Variants in NMNAT3 observed in about 807,000 individuals in gnomAD.
NMNAT3 encodes nicotinamide/nicotinic acid mononucleotide adenylyltransferase 3.
NMNAT3 carries 21 observed loss-of-function variants against 24.8 expected under a neutral mutation model. The observed-to-expected ratio is 0.85, with a 90% CI of 0.60 to 1.22. The LOEUF is 1.22. NMNAT3 is among the 50% of genes most tolerant of loss of function. The pLI, the probability that NMNAT3 is intolerant of heterozygous loss-of-function variation, is 0.00. For synonymous variants in NMNAT3, 136 were observed against 155.2 expected (o/e 0.88, Z 0.92); for missense variants, 387 against 436.6 (o/e 0.89, Z 1.01).
In NMNAT3 at chr3:139,586,227, G is replaced by A. The variant is rs116739755; in HGVS notation, c.110-3019C>T. On this transcript the variant is annotated intron_variant, in intron 3 of 6. Coordinates refer to ENST00000643695, the MANE Select transcript of NMNAT3 (RefSeq NM_001320510.2). ...AATACACACTGGGGTCTACTTGAGG[G>A]TGGAGGGTGGAGAGTGAGAGAAGCA... 5.1e-3 allele frequency among the ~76,000 whole-genome samples: 771 copies of A among 152,306 alleles called. 4 individuals carry two copies. Among genetic ancestry groups the A allele is most frequent in the Non-Finnish European group, 6.8e-3 (464 of 68,038 alleles).
rs975104290 is a variant in NMNAT3, at chr3:139,560,800, A to T, written c.*210T>A. On this transcript the variant is annotated 3_prime_UTR_variant, in exon 7 of 7. Coordinates refer to ENST00000643695, the MANE Select transcript of NMNAT3 (RefSeq NM_001320510.2). ...CTGCCACACCATTTTAACTTCTTTGATAAATGTCTATCCTTGTGATTTAGA... is the reference window on the plus strand; with the variant it reads ...CTGCCACACCATTTTAACTTCTTTGTTAAATGTCTATCCTTGTGATTTAGA... 1 of 555,490 alleles carries T rather than the reference A, an allele frequency of 1.8e-6. No individual in the cohort carries two copies. The highest frequency in any genetic ancestry group is 1.9e-5 in the African/African-American group (1 of 53,322). 34.4% of individuals were successfully genotyped at this position (555,490 alleles called of 1,614,324 possible). A position where few individuals can be genotyped will look rare whatever the true frequency, so the allele number is the denominator to read the frequency against.
intron 1 of NMNAT3, among the ~76,000 whole-genome samples, chr3:139,649,479 G>T (rs2056984473): frequency 6.6e-6 from 1 of 152,160 alleles, no homozygotes; most frequent in South Asian, 2.1e-4. Flanking sequence ...CAAGAGTGGG[G>T]CAAAGTCACC....
chr3:139,671,971 G>A (rs11714276), intron 1 of NMNAT3, among the ~76,000 whole-genome samples: 36,005 of 152,118 alleles, frequency 0.24, 5,449 homozygotes, highest in East Asian at 0.59. Flanking sequence ...GCCCAAATTC[G>A]GGTTGGTTTG....
At chr3:139,653,339 TA>T (rs1053947603) in intron 1 of NMNAT3, among the ~76,000 whole-genome samples, 34 of 151,244 alleles carry the variant, frequency 2.2e-4, no homozygotes, top group East Asian at 1.4e-3. Context: ...CCCCATAATT[TA>T]AAAAAAAACT....
intron 2 of NMNAT3, among the ~76,000 whole-genome samples, chr3:139,630,547 A>C (rs1559930643): frequency 6.6e-6 from 1 of 152,172 alleles, no homozygotes; most frequent in Admixed American, 6.5e-5. Flanking sequence ...TTAGGAAGGG[A>C]AGTGGTGTTT....
chr3:139,608,235 G>A (rs1330868660), intron 3 of NMNAT3, among the ~76,000 whole-genome samples: 1 of 152,176 alleles, frequency 6.6e-6, no homozygotes, highest in South Asian at 2.1e-4. Context: ...TAGCAGCAGC[G>A]ACAGCAGCAG....
intron 1 of NMNAT3, among the ~76,000 whole-genome samples, chr3:139,659,400 G>A (rs1378937452): frequency 6.6e-6 from 1 of 152,184 alleles, no homozygotes; most frequent in Non-Finnish European, 1.5e-5. Flanking sequence ...GACTCCCCAA[G>A]TGTGATGGAA....
At chr3:139,606,585 T>C (rs1376925554) in intron 3 of NMNAT3, among the ~76,000 whole-genome samples, 1 of 152,246 alleles carries the variant, frequency 6.6e-6, no homozygotes, top group East Asian at 1.9e-4. Context: ...GTAAATATCC[T>C]GATTCCCATC....
chr3:139,578,296 T>A (rs551356344), intron 5 of NMNAT3, among the ~76,000 whole-genome samples: 15 of 152,340 alleles, frequency 9.8e-5, no homozygotes. Flanking sequence ...CCAGAGTAAC[T>A]GTTTCTAGAT....
At chr3:139,628,142 C>T (rs1021397281) in intron 2 of NMNAT3, among the ~76,000 whole-genome samples, 9 of 152,274 alleles carry the variant, frequency 5.9e-5, no homozygotes, top group Middle Eastern at 3.4e-3. Flanking sequence ...AGAAGACTCC[C>T]GTAGTGCCAT....
At chr3:139,566,755 G>T (rs1383954488) in intron 6 of NMNAT3, 1 of 152,176 alleles carries the variant, frequency 6.6e-6, no homozygotes, top group African/African-American at 2.4e-5. Context: ...ATGCTGTTTT[G>T]GTTACTGTAG....
At chr3:139,636,618 T>C (rs2056512590) in intron 2 of NMNAT3, 1 of 152,256 alleles carries the variant, frequency 6.6e-6, no homozygotes, top group African/African-American at 2.4e-5. Context: ...CTTGCGTTCC[T>C]AGATGGGTCT....
chr3:139,670,387 C>A (rs558867499), intron 1 of NMNAT3, among the ~76,000 whole-genome samples: 1 of 152,182 alleles, frequency 6.6e-6, no homozygotes, highest in African/African-American at 2.4e-5. Context: ...GATGGTTCTG[C>A]GCTGGCTCTG....
intron 6 of NMNAT3, chr3:139,566,885 T>C (rs942652717): frequency 3.3e-5 from 5 of 152,196 alleles, no homozygotes; most frequent in African/African-American, 1.2e-4. Flanking sequence ...AGTAGTTTTT[T>C]CCAATTCTGT....
intron 1 of NMNAT3, among the ~76,000 whole-genome samples, chr3:139,665,730 GAGAGAGA>G (rs2057557583): frequency 1.2e-5 from 1 of 86,044 alleles, no homozygotes; most frequent in African/African-American, 3.5e-5. Flanking sequence ...TAACAGGAGA[GAGAGAGA>G]GAGAGAGAGA....
At chr3:139,589,445 A>G (rs1240489172) in intron 3 of NMNAT3, among the ~76,000 whole-genome samples, 1 of 152,224 alleles carries the variant, frequency 6.6e-6, no homozygotes, top group Non-Finnish European at 1.5e-5. Context: ...AGAGAAAACC[A>G]GAGGTTTAAC....
At chr3:139,643,000 A>G (rs1489707117) in intron 1 of NMNAT3, among the ~76,000 whole-genome samples, 2 of 152,136 alleles carry the variant, frequency 1.3e-5, no homozygotes, top group Non-Finnish European at 2.9e-5. Flanking sequence ...GGCTGTCCAT[A>G]AAAGGTCTTC....
At position 139,575,806 on chromosome 3, in the gene NMNAT3, T is replaced by C. The variant is rs1423937237; in HGVS notation, c.576-2126A>G. 4 of 1,194,494 alleles carry C rather than the reference T, an allele frequency of 3.3e-6. No individual in the cohort carries two copies. In the Admixed American group the frequency reaches 1.4e-4, roughly 41 times the overall value. 74.0% of individuals were successfully genotyped at this position (1,194,494 alleles called of 1,614,324 possible). On this transcript the variant is annotated intron_variant, in intron 5 of 6. Transcript: ENST00000643695. ...TTCTTGGTGTCCTCAGCAGTCCCACTGGTCTTCAGGAAAGATTGGAGGGCA... is the reference window on the plus strand; with the variant it reads ...TTCTTGGTGTCCTCAGCAGTCCCACCGGTCTTCAGGAAAGATTGGAGGGCA...
At chr3:139,570,167 C>A (rs1314984944) in intron 6 of NMNAT3, 1 of 152,184 alleles carries the variant, frequency 6.6e-6, no homozygotes, top group African/African-American at 2.4e-5. Context: ...CGTCAGGTAG[C>A]TCTCGTGCCT....
Sources: allele counts gnomAD v4.1 joint callset (sites outside exome capture counted in the v4.1 genomes callset), GRCh38; gene constraint gnomAD v4.1.1; transcripts MANE v1.5; gene names NCBI Gene and HGNC (gene_info 2026-07-23, HGNC 2026-07-21).